The following SORCS1 variants were observed in gnomAD, a reference collection of about 807,000 sequenced individuals.
SORCS1 encodes the protein sortilin related VPS10 domain containing receptor 1, also known as VPS10 domain-containing receptor SorCS1.
SORCS1 carries 60 observed loss-of-function variants against 146.1 expected under a neutral mutation model. The observed-to-expected ratio is 0.41, with a 90% CI of 0.33 to 0.51. The LOEUF (loss-of-function observed/expected upper bound fraction) is 0.51, where lower values mean the gene tolerates loss of function less well. SORCS1 is among the 20% of genes least tolerant of loss of function. SORCS1 has a pLI of 0.21. For missense variants in SORCS1, 1,352 were observed against 1,487.6 expected, an observed-to-expected ratio of 0.91 and a Z score of 1.50; for synonymous variants, 637 against 584.0, an observed-to-expected ratio of 1.09 and a Z score of -1.31.
intron 6 of SORCS1, among the ~76,000 whole-genome samples, chr10:106,717,968 C>T (rs1263107748): frequency 6.6e-6 from 1 of 152,126 alleles, no homozygotes; most frequent in African/African-American, 2.4e-5. Flanking sequence ...TCTTTCATGG[C>T]CTATTTAGTC....
At chr10:106,798,911 C>T (rs184630912) in intron 3 of SORCS1, among the ~76,000 whole-genome samples, 6 of 152,250 alleles carry the variant, frequency 3.9e-5, no homozygotes, top group East Asian at 1.9e-4. Flanking sequence ...TAAAAGAGCC[C>T]GCATTGCCAA....
chr10:106,990,412 G>T (rs1450697628), intron 1 of SORCS1, among the ~76,000 whole-genome samples: 1 of 152,140 alleles, frequency 6.6e-6, no homozygotes, highest in African/African-American at 2.4e-5. Context: ...TGGGATTACA[G>T]GTGTGAGGCA....
intron 6 of SORCS1, 146 bp downstream of exon 6, chr10:106,729,904 G>C: frequency 1.2e-6 from 1 of 858,278 alleles, no homozygotes; most frequent in Admixed American, 2.4e-5. Flanking sequence ...AAAAGAAGCA[G>C]GTCACCCCTG....
At chr10:107,038,610 C>G (rs1411776110) in intron 1 of SORCS1, among the ~76,000 whole-genome samples, 1 of 151,962 alleles carries the variant, frequency 6.6e-6, no homozygotes, top group Non-Finnish European at 1.5e-5. Context: ...CTCAGGCAAA[C>G]TGCTTAAATT....
intron 2 of SORCS1, among the ~76,000 whole-genome samples, chr10:106,861,655 G>A (rs1226051992): frequency 6.6e-6 from 1 of 152,138 alleles, no homozygotes; most frequent in Non-Finnish European, 1.5e-5. Context: ...ACTTTGGGAT[G>A]CCAAGGCAGG....
intron 4 of SORCS1, among the ~76,000 whole-genome samples, chr10:106,763,783 C>A (rs893349055): frequency 8.5e-5 from 13 of 152,160 alleles, no homozygotes; most frequent in Non-Finnish European, 1.8e-4. Flanking sequence ...ATATTTAATT[C>A]TCTTAATAGC....
At chr10:106,874,397 T>C (rs76296854) in intron 2 of SORCS1, among the ~76,000 whole-genome samples, 1,900 of 152,322 alleles carry the variant, frequency 0.012, 25 homozygotes, top group Non-Finnish European at 0.022. Flanking sequence ...ACTGAGCTTA[T>C]CACTCAAGAA....
rs375702766 is a variant in SORCS1 at position 106,804,804 on chromosome 10, G to C, written c.726+24770C>G. Among the ~76,000 whole-genome samples, 5 of 152,224 alleles carry C rather than the reference G, an allele frequency of 3.3e-5. No individual in the cohort carries two copies. The South Asian group carries it at 1.0e-3, about 32-fold the overall frequency. ...AACCCCTGGTACAGAAGCGTACTCA[G>C]AATTAAAGCAGGTGGTCCCAAAAAG... On this transcript the variant is annotated intron_variant, in intron 3 of 25. Transcript: ENST00000263054.
rs1044135505 is a variant in SORCS1, at chr10:106,698,065, A to G, written c.1413+1149T>C. On this transcript the variant is annotated intron_variant, in intron 9 of 25. Transcript: ENST00000263054. ...AAACTAGACCCTATGCTAGTCTGCC[A>G]TAATTTCTATTACAAATACCTGGGC... is the stretch of plus-strand genomic sequence containing the variant. Among the ~76,000 whole-genome samples, 12 of 152,366 alleles carry G rather than the reference A, an allele frequency of 7.9e-5. No homozygotes were observed. The South Asian group carries it at 2.1e-3, about 26-fold the overall frequency.
At chr10:106,981,796 T>G (rs1038538322) in intron 1 of SORCS1, among the ~76,000 whole-genome samples, 1 of 152,190 alleles carries the variant, frequency 6.6e-6, no homozygotes, top group Non-Finnish European at 1.5e-5. Context: ...TATAACAGAC[T>G]GTTTTGTTGT....
intron 8 of SORCS1, among the ~76,000 whole-genome samples, chr10:106,704,311 C>T (rs1854349437): frequency 6.6e-6 from 1 of 152,124 alleles, no homozygotes; most frequent in Non-Finnish European, 1.5e-5. Flanking sequence ...TAAAAAAGTA[C>T]TACCTTGAGA....
chr10:106,724,675 T>C (rs1202233494), intron 6 of SORCS1, among the ~76,000 whole-genome samples: 2 of 152,082 alleles, frequency 1.3e-5, no homozygotes, highest in African/African-American at 2.4e-5. Context: ...ACATCTGAAA[T>C]AGACCAAAAC....
At chr10:106,664,328 T>C (rs1850963792) in intron 17 of SORCS1, among the ~76,000 whole-genome samples, 3 of 152,156 alleles carry the variant, frequency 2.0e-5, no homozygotes, top group Admixed American at 6.5e-5. Flanking sequence ...ATGTTTTATT[T>C]GATGTTAGTC....
At chr10:107,176,811 T>C in the SORCS1 span, among the ~76,000 whole-genome samples, 1 of 152,188 alleles carries the variant, frequency 6.6e-6, no homozygotes, top group Non-Finnish European at 1.5e-5. Flanking sequence ...TATTCTGTAA[T>C]ATTTACCCTT....
At position 106,724,804 on chromosome 10, in the gene SORCS1, T is replaced by C. The variant is rs78863927; in HGVS notation, c.1024+5246A>G. 2.0e-3 allele frequency among the ~76,000 whole-genome samples: 305 copies of C among 152,362 alleles called. 3 individuals are homozygous for C. The highest frequency in any genetic ancestry group is 7.0e-3 in the African/African-American group (290 of 41,592). On this transcript the variant is annotated intron_variant, in intron 6 of 25. Transcript: ENST00000263054. Reference sequence around the variant, plus strand: ...GTCTCAGTATCTTGACTACAAAATATGTGAACACACTAAAATCAGAAAATA... The same window carrying C: ...GTCTCAGTATCTTGACTACAAAATACGTGAACACACTAAAATCAGAAAATA...
intron 1 of SORCS1, among the ~76,000 whole-genome samples, chr10:106,988,157 C>T (rs1426425350): frequency 2.0e-5 from 3 of 152,166 alleles, no homozygotes; most frequent in Admixed American, 1.3e-4. Context: ...AGACGTTGAT[C>T]GCTAGCTCAC....
intron 2 of SORCS1, among the ~76,000 whole-genome samples, chr10:106,841,513 A>T (rs1042108848): frequency 6.6e-6 from 1 of 152,186 alleles, no homozygotes; most frequent in Non-Finnish European, 1.5e-5. Flanking sequence ...TTTTCTAGAC[A>T]TAATGCTATT....
Position 106,573,999 on chromosome 10 carries a change from T to C in SORCS1, c.*3421A>G, listed in dbSNP as rs1388369012. On this transcript the variant is annotated 3_prime_UTR_variant, in exon 26 of 26. Transcript: ENST00000263054. ...TACATAGTATTTAACAAAAAATACA[T>C]CAAAAAAGTCATTTTAAAATTAGAA... The C allele has an allele frequency of 6.6e-6, 1 of 152,064 alleles. No homozygotes were observed. Among genetic ancestry groups the C allele is most frequent in the Admixed American group, 6.6e-5 (1 of 15,220 alleles). The allele number at this position is 152,064 out of a possible 1,614,324, so 9.4% of individuals were successfully genotyped here.
intron 1 of SORCS1, among the ~76,000 whole-genome samples, chr10:107,032,305 T>C (rs1283010337): frequency 2.0e-5 from 3 of 152,214 alleles, no homozygotes; most frequent in Non-Finnish European, 2.9e-5. Flanking sequence ...TAAAGAGGCA[T>C]GGCATGGATC....
Sources: gnomAD v4.1 joint callset for allele counts (sites outside exome capture counted in the v4.1 genomes callset) on GRCh38, gnomAD v4.1.1 for gene constraint, MANE v1.5 for transcripts, NCBI Gene and HGNC (gene_info 2026-07-23, HGNC 2026-07-21) for gene names.